ADAM12: variants seen among roughly 807,000 people sequenced by gnomAD.
ADAM12 encodes disintegrin and metalloproteinase domain-containing protein 12.
Under a neutral mutation model 106.4 loss-of-function variants are expected in ADAM12, and 70 were observed. The ratio of observed to expected loss-of-function variants is 0.66; its 90% CI spans 0.54 to 0.80. ADAM12 has a LOEUF of 0.80. Among genes scored for constraint, ADAM12 ranks in the 30% least tolerant of loss-of-function variants. ADAM12 has a pLI of 0.00. For missense variants in ADAM12, 1,010 were observed against 1,171.9 expected, an observed-to-expected ratio of 0.86 and a Z score of 2.02; for synonymous variants, 420 against 433.5, an observed-to-expected ratio of 0.97 and a Z score of 0.39.
At chr10:126,309,720 T>C (rs1590761749) in intron 2 of ADAM12, among the ~76,000 whole-genome samples, 1 of 152,166 alleles carries the variant, frequency 6.6e-6, no homozygotes, top group African/African-American at 2.4e-5. Flanking sequence ...AGCAGAGAAA[T>C]GCAGTTTTAG....
At chr10:126,318,766 C>CTTA in intron 2 of ADAM12, among the ~76,000 whole-genome samples, 1 of 152,298 alleles carries the variant, frequency 6.6e-6, no homozygotes, top group East Asian at 1.9e-4. Context: ...TCTCACACTG[C>CTTA]TAATAAAGAC....
intron 3 of ADAM12, among the ~76,000 whole-genome samples, chr10:126,265,395 T>C (rs1959078436): frequency 6.6e-6 from 1 of 152,196 alleles, no homozygotes; most frequent in African/African-American, 2.4e-5. Context: ...AGAACAGATC[T>C]AGGCACTGAT....
At chr10:126,098,624 T>C in intron 9 of ADAM12, 124 bp from the exon 10 acceptor site, 1 of 733,842 alleles carries the variant, frequency 1.4e-6, no homozygotes, top group Non-Finnish European at 2.3e-6. Flanking sequence ...TGTATGAGGG[T>C]ATATTCACAT....
At chr10:126,337,770 C>T (rs1370927205) in intron 1 of ADAM12, among the ~76,000 whole-genome samples, 1 of 152,148 alleles carries the variant, frequency 6.6e-6, no homozygotes, top group Non-Finnish European at 1.5e-5. Context: ...TTTTTGTTTA[C>T]TCCTTATCAG....
intron 3 of ADAM12, among the ~76,000 whole-genome samples, chr10:126,169,986 T>C (rs1551681): frequency 0.099 from 15,038 of 152,154 alleles, 2,127 homozygotes; most frequent in African/African-American, 0.31. Flanking sequence ...CTGATGACCT[T>C]GTAAGTGGTT....
At chr10:126,031,593 T>G (rs2133390172) in intron 21 of ADAM12, among the ~76,000 whole-genome samples, 1 of 152,250 alleles carries the variant, frequency 6.6e-6, no homozygotes, top group Admixed American at 6.5e-5. Context: ...TTTATAAAGG[T>G]TTGAGGAGGA....
chr10:126,352,114 G>A (rs564968015), intron 1 of ADAM12, among the ~76,000 whole-genome samples: 1 of 152,254 alleles, frequency 6.6e-6, no homozygotes, highest in Non-Finnish European at 1.5e-5. Context: ...ATAAGGTCAA[G>A]GGGGGAACAA....
chr10:126,247,541 C>G (rs1042144750), intron 3 of ADAM12, among the ~76,000 whole-genome samples: 24 of 152,280 alleles, frequency 1.6e-4, no homozygotes, highest in African/African-American at 5.8e-4. Flanking sequence ...GCAATCCCAG[C>G]GCCCGGCTCA....
chr10:126,042,200 G>T, intron 18 of ADAM12: 1 of 1,613,746 alleles, frequency 6.2e-7, no homozygotes, highest in Non-Finnish European at 8.5e-7. Context: ...CCCTGGCCGC[G>T]CTCCCTGTTG....
chr10:126,274,838 T>A (rs867206283), intron 3 of ADAM12, among the ~76,000 whole-genome samples: 2 of 152,334 alleles, frequency 1.3e-5, no homozygotes, highest in Middle Eastern at 3.4e-3. Context: ...ACTGGTTACA[T>A]TTCTCCATTC....
chr10:126,346,733 T>C (rs961838593), intron 1 of ADAM12, among the ~76,000 whole-genome samples: 3 of 152,230 alleles, frequency 2.0e-5, no homozygotes, highest in Non-Finnish European at 2.9e-5. Context: ...ATATTTAGGA[T>C]AGTTAGCTCT....
chr10:126,190,082 C>T (rs1364293550), intron 3 of ADAM12, among the ~76,000 whole-genome samples: 1 of 152,158 alleles, frequency 6.6e-6, no homozygotes, highest in Non-Finnish European at 1.5e-5. Context: ...TCACTAAGGA[C>T]CGGGGCCAGG....
intron 1 of ADAM12, among the ~76,000 whole-genome samples, chr10:126,339,734 T>C (rs1034629671): frequency 6.6e-6 from 1 of 151,662 alleles, no homozygotes; most frequent in Non-Finnish European, 1.5e-5. Context: ...AGAGATGGGA[T>C]GCAGAGAGGG....
In ADAM12 at chr10:126,072,799, G is replaced by A. The variant is rs532420940; in HGVS notation, c.1146-1145C>T. ...CCCAGAAAGTTTTATTACTTAGAGA[G>A]GGAGCAGGGGCTGCTGTCCAGCAAA... On this transcript the variant is annotated intron_variant, in intron 11 of 22. Coordinates refer to ENST00000448723, the MANE Select transcript of ADAM12 (RefSeq NM_001288973.2). Among the ~76,000 whole-genome samples, 56 of 152,294 alleles carry A rather than the reference G, an allele frequency of 3.7e-4. 1 individual carries two copies. The highest frequency in any genetic ancestry group is 2.9e-5 in the Non-Finnish European group (2 of 68,020).
chr10:126,364,005 A>G (rs1360099954), intron 1 of ADAM12, among the ~76,000 whole-genome samples: 1 of 152,184 alleles, frequency 6.6e-6, no homozygotes, highest in African/African-American at 2.4e-5. Context: ...TGATAAGGGG[A>G]AATCCATGAA....
Position 126,038,278 on chromosome 10 carries a change from C to G in ADAM12, c.2312G>C (p.Gly771Ala), listed in dbSNP as rs1339379132. ...GGAATCTGGCGGCTTCCTCATCAGG[C>G]CTTTTCCAAGGTGGCCGAGGTGAGC... Reference protein sequence around the residue: ...CQAHLGHLGKGLMRKPPDSYP... With the variant: ...CQAHLGHLGKALMRKPPDSYP... The change falls in exon 20 of 23, where the codon GGC (glycine) becomes GCC (alanine). Residue 771 changes from glycine to alanine, a missense_variant. By Grantham distance (60) the Gly-to-Ala change is moderately conservative. This residue lies in a region of ADAM12 where 615 missense variants were observed against 708.5 expected (regional missense o/e 0.87). Coordinates refer to ENST00000448723, the MANE Select transcript of ADAM12 (RefSeq NM_001288973.2). 1 of 1,612,264 alleles carries G rather than the reference C, an allele frequency of 6.2e-7. No individual in the cohort carries two copies. Among genetic ancestry groups the G allele is most frequent in the Non-Finnish European group, 8.5e-7 (1 of 1,179,432 alleles).
chr10:126,092,395 G>T (rs1955482177), intron 11 of ADAM12, among the ~76,000 whole-genome samples: 1 of 152,178 alleles, frequency 6.6e-6, no homozygotes, highest in African/African-American at 2.4e-5. Flanking sequence ...TGAAATGTTG[G>T]AAACAGAAGG....
At chr10:126,314,020 C>T (rs558290979) in intron 2 of ADAM12, among the ~76,000 whole-genome samples, 6 of 151,808 alleles carry the variant, frequency 4.0e-5, no homozygotes, top group South Asian at 2.1e-4. Context: ...TAGGCACTCA[C>T]GGATGGAGGT....
chr10:126,179,989 A>C (rs1472513359), intron 3 of ADAM12, among the ~76,000 whole-genome samples: 1 of 152,158 alleles, frequency 6.6e-6, no homozygotes, highest in African/African-American at 2.4e-5. Context: ...CAATGCAAAA[A>C]ACCCAACGTA....
Sources: allele counts gnomAD v4.1 joint callset (sites outside exome capture counted in the v4.1 genomes callset), GRCh38; gene constraint gnomAD v4.1.1; regional missense constraint gnomAD v4.1.1; transcripts MANE v1.5; gene names NCBI Gene and HGNC (gene_info 2026-07-23, HGNC 2026-07-21).